TMEM214: variants seen among roughly 807,000 people sequenced by gnomAD.
The protein encoded by TMEM214 is transmembrane protein 214.
In TMEM214, 71 loss-of-function variants were observed where a neutral mutation model predicts 89.8. The observed-to-expected ratio is 0.79, with a 90% confidence interval of 0.65 to 0.96. TMEM214 has a LOEUF of 0.96. Ranked by LOEUF, TMEM214 falls within the 40% of genes least tolerant of loss-of-function variation. The pLI, the probability that TMEM214 is intolerant of heterozygous loss-of-function variation, is 0.00. For missense variants in TMEM214, 754 were observed against 843.4 expected (o/e 0.89, Z 1.31); for synonymous variants, 332 against 349.5 (o/e 0.95, Z 0.56).
chr2:27,033,950 G>A, intron 1 of TMEM214, 117 bp from the exon 2 acceptor site: 1 of 1,161,590 alleles, frequency 8.6e-7, no homozygotes, highest in Middle Eastern at 2.7e-4. Context: ...AAGGGGCTTT[G>A]AGACAGGCTC....
chr2:27,040,520 G>A (rs755677400), intron 16 of TMEM214, 24 bp downstream of exon 16: 98 of 1,609,442 alleles, frequency 6.1e-5, no homozygotes, highest in South Asian at 2.3e-4. Context: ...CCAGGGCTCC[G>A]GCAGGATCCC....
At chr2:27,036,388 C>A in intron 5 of TMEM214, 99 bp from the exon 6 acceptor site, 1 of 1,046,492 alleles carries the variant, frequency 9.6e-7, no homozygotes, top group Non-Finnish European at 1.5e-6. Flanking sequence ...TCGGCCTGTC[C>A]TCCCTCTTCC....
Position 27,041,001 on chromosome 2 carries a change from GA to G in TMEM214, c.*165del. The G allele has an allele frequency of 1.2e-6, 1 of 813,558 alleles. No homozygotes were observed. The highest frequency in any genetic ancestry group is 1.9e-6 in the Non-Finnish European group (1 of 526,236). The allele number at this position is 813,558 out of a possible 1,614,324, so 50.4% of individuals were successfully genotyped here. A position where few individuals can be genotyped will look rare whatever the true frequency, so the allele number is the denominator to read the frequency against. On this transcript the variant is annotated 3_prime_UTR_variant, in exon 17 of 17. Transcript: ENST00000238788. ...CCTCAGTTCTTCCATCTTTGGTGGG[GA>G]CAGGGCCCAGCAGCATCTCAGCCTC...
chr2:27,035,536 TTC>T (rs1667518046), intron 3 of TMEM214, 56 bp from the exon 4 acceptor site: 1 of 1,601,774 alleles, frequency 6.2e-7, no homozygotes, highest in African/African-American at 1.3e-5. Flanking sequence ...AGCACCACAG[TTC>T]TCAGAGCTGA....
intron 2 of TMEM214, among the ~76,000 whole-genome samples, chr2:27,034,769 A>G (rs1667473398): frequency 6.6e-6 from 1 of 151,548 alleles, no homozygotes; most frequent in Non-Finnish European, 1.5e-5. Flanking sequence ...TTTTTAGTAG[A>G]GATGGGGTTT....
In TMEM214 at chr2:27,038,524, C is replaced by G; in HGVS notation, c.1285C>G (p.Pro429Ala). The G allele has an allele frequency of 6.2e-7, 1 of 1,614,026 alleles. No individual in the cohort carries two copies. Residue 429 changes from proline to alanine, a missense_variant, in exon 11 of 17, where the codon CCC (proline) becomes GCC (alanine). Transcript: ENST00000238788. The surrounding 1 kb of genome is among the most constrained non-coding windows in gnomAD (Gnocchi z 4.4). ...EHLLSSWEQI[P>A]KKVQKSLQET... Reference sequence around the variant, plus strand: ...CTTGCTCAGCTCCTGGGAGCAGATTCCCAAGAAGGTGAGGAGCTGGGAGGA... The same window carrying G: ...CTTGCTCAGCTCCTGGGAGCAGATTGCCAAGAAGGTGAGGAGCTGGGAGGA...
chr2:27,039,700 C>G lies in TMEM214; in HGVS notation c.1526-41C>G, dbSNP rs745981420. 4 of 1,550,624 alleles carry G rather than the reference C, an allele frequency of 2.6e-6. No individual in the cohort carries two copies. The East Asian group carries it at 9.0e-5, about 35-fold the overall frequency. ...TAGTGTCTGTCTCCCCAGTCCCTGCCCCTCTCACCTCCCAGCTCACCAGAG... is the reference window on the plus strand; with the variant it reads ...TAGTGTCTGTCTCCCCAGTCCCTGCGCCTCTCACCTCCCAGCTCACCAGAG... On this transcript the variant is annotated intron_variant, in intron 13 of 16. Transcript: ENST00000238788.
Position 27,038,492 on chromosome 2 carries a change from T to C in TMEM214, c.1253T>C (p.Leu418Pro). The C allele has an allele frequency of 6.2e-7, 1 of 1,614,100 alleles. No homozygotes were observed. Among genetic ancestry groups the C allele is most frequent in the Non-Finnish European group, 8.5e-7 (1 of 1,179,998 alleles). The change falls in exon 11 of 17, where the codon CTG becomes CCG. Residue 418 changes from leucine (L) to proline (P), a missense_variant. Physicochemically the swap from Leu to Pro is moderately conservative, Grantham distance 98. Transcript: ENST00000238788. The surrounding 1 kb of genome is among the most constrained non-coding windows in gnomAD (Gnocchi z 4.4). ...PKHLSQSSLL[L>P]EHLLSSWEQI... ...TTGTGCTTTCCCCACAGCCTTCTGCTGGAGCACTTGCTCAGCTCCTGGGAG... is the reference window on the plus strand; with the variant it reads ...TTGTGCTTTCCCCACAGCCTTCTGCCGGAGCACTTGCTCAGCTCCTGGGAG...
chr2:27,041,159 AC>A lies in TMEM214; in HGVS notation c.*326del, dbSNP rs1269998331. On this transcript the variant is annotated 3_prime_UTR_variant, in exon 17 of 17. Transcript: ENST00000238788. ...CCACTTCCTTCCATCTCATTTCTAA[AC>A]CCCAAACAGCTCATCTCTAAAAAGA... 3.6e-6 allele frequency: 1 copy of A among 274,382 alleles called. No individual in the cohort carries two copies. The highest frequency in any genetic ancestry group is 2.2e-5 in the African/African-American group (1 of 45,946). The allele number at this position is 274,382 out of a possible 1,614,324, so 17.0% of individuals were successfully genotyped here. A position where few individuals can be genotyped will look rare whatever the true frequency, so the allele number is the denominator to read the frequency against.
chr2:27,035,269 G>A lies in TMEM214; in HGVS notation c.486G>A (p.Leu162=). Residue 162 remains leucine, a synonymous_variant, in exon 3 of 17, where the codon CTG becomes CTA. Transcript: ENST00000238788. The stretch of plus-strand genomic sequence containing the variant: ...AAGCTCCTCTAAGTGAACCCACGCT[G>A]AGCCAGCATACTCATGGTAAGTCCT... ...KLQAPLSEPT[L]SQHTHDYPYS... is the part of the protein sequence containing the mutation. The A allele has an allele frequency of 3.1e-6, 5 of 1,614,226 alleles. No homozygotes were observed. The highest frequency in any genetic ancestry group is 4.2e-6 in the Non-Finnish European group (5 of 1,180,042).
At chr2:27,034,392 G>A (rs1424370303) in intron 2 of TMEM214, 126 bp downstream of exon 2, 3 of 1,132,620 alleles carry the variant, frequency 2.6e-6, no homozygotes, top group Non-Finnish European at 3.7e-6. Flanking sequence ...GGGTTGAGAG[G>A]AGTTCAGGAA....
chr2:27,037,883 GCACATT>G, intron 9 of TMEM214, 181 bp downstream of exon 9: 1 of 1,553,970 alleles, frequency 6.4e-7, no homozygotes, highest in South Asian at 1.2e-5. Context: ...CCAAGAGACA[GCACATT>G]CAGGTCTGGG....
rs367895381 is a variant in TMEM214 at position 27,039,175 on chromosome 2, A to G, written c.1525+11A>G. On this transcript the variant is annotated intron_variant, in intron 13 of 16. Coordinates refer to ENST00000238788, the MANE Select transcript of TMEM214 (RefSeq NM_017727.5). ...ACAGCTCCTTCCAGGGTAAGCAGCA[A>G]TGGGCAAGCGAGGAGGATGGTGTGG... is the stretch of plus-strand genomic sequence containing the variant. 8 of 1,611,360 alleles carry G rather than the reference A, an allele frequency of 5.0e-6. No individual in the cohort carries two copies. The highest frequency in any genetic ancestry group is 4.2e-6 in the Non-Finnish European group (5 of 1,178,416).
In TMEM214 at chr2:27,034,099, C is replaced by T. The variant is rs185429302; in HGVS notation, c.184C>T (p.Arg62Trp). Residue 62 changes from arginine to tryptophan, a missense_variant, in exon 2 of 17, where the codon CGG becomes TGG. Coordinates refer to ENST00000238788, the MANE Select transcript of TMEM214 (RefSeq NM_017727.5). ...AIQTTSTLYE[R>W]GFENIMKRQN... ...CCAGACCACAAGCACCCTTTATGAG[C>T]GGGGCTTTGAGAATATCATGAAGCG... 85 of 1,614,000 alleles carry T rather than the reference C, an allele frequency of 5.3e-5. No individual in the cohort carries two copies. Among genetic ancestry groups the T allele is most frequent in the South Asian group, 1.1e-5 (1 of 91,068 alleles).
chr2:27,035,348 A>G (rs1667508069), intron 3 of TMEM214, 63 bp downstream of exon 3: 1 of 1,603,958 alleles, frequency 6.2e-7, no homozygotes, highest in Non-Finnish European at 8.5e-7. Context: ...GGGTGGTATA[A>G]CAGATCCCAG....
At position 27,034,246 on chromosome 2, in the gene TMEM214, C is replaced by G. The variant is rs764635395; in HGVS notation, c.331C>G (p.Leu111Val). 6.2e-7 allele frequency: 1 copy of G among 1,613,832 alleles called. No individual in the cohort carries two copies. The highest frequency in any genetic ancestry group is 8.5e-7 in the Non-Finnish European group (1 of 1,180,040). ...CCAGAAGCAGGGCCGCTTCCGCAGC[C>G]TGGAGGAAGCACTGAAAGCTGTGAG... ...QNQKQGRFRS[L>V]EEALKALDVA... is the part of the protein sequence containing the mutation. Residue 111 changes from leucine (L) to valine (V), a missense_variant, in exon 2 of 17, where the codon CTG (leucine) becomes GTG (valine). Physicochemically the swap from Leu to Val is conservative, Grantham distance 32. Coordinates refer to ENST00000238788, the MANE Select transcript of TMEM214 (RefSeq NM_017727.5).
Position 27,038,143 on chromosome 2 carries a change from C to G in TMEM214, c.1153-3C>G. ...CAGCCTCTCCCTCTGTCGTGCTGTG[C>G]AGCTCCTGAGCAGCCTGACTGAGTG... On this transcript the variant is annotated splice_polypyrimidine_tract_variant and splice_region_variant and intron_variant, in intron 9 of 16. Transcript: ENST00000238788. The surrounding 1 kb of genome is among the most constrained non-coding windows in gnomAD (Gnocchi z 4.4). 1 of 1,614,130 alleles carries G rather than the reference C, an allele frequency of 6.2e-7. No homozygotes were observed. The highest frequency in any genetic ancestry group is 8.5e-7 in the Non-Finnish European group (1 of 1,180,014).
In TMEM214 at chr2:27,040,373, A is replaced by T; in HGVS notation, c.1820A>T (p.Asn607Ile). ...RLQIQLPDSV[N>I]QLLRYLRELP... ...CAGATCCAGCTCCCCGATTCCGTGA[A>T]TCAGCTACTCCGCTATCTGAGAGAG... Residue 607 changes from asparagine to isoleucine, a missense_variant, in exon 16 of 17, where the codon AAT (asparagine) becomes ATT (isoleucine). Transcript: ENST00000238788. 1 of 1,614,220 alleles carries T rather than the reference A, an allele frequency of 6.2e-7. No individual in the cohort carries two copies.
At chr2:27,035,019 G>A in intron 2 of TMEM214, 116 bp from the exon 3 acceptor site, 1 of 1,136,082 alleles carries the variant, frequency 8.8e-7, no homozygotes, top group Non-Finnish European at 1.3e-6. Context: ...GCTTAAAAAT[G>A]GAATCCCTTC....
Sources: gnomAD v4.1 joint callset for allele counts (sites outside exome capture counted in the v4.1 genomes callset) on GRCh38, gnomAD v4.1.1 for gene constraint, Gnocchi (gnomAD v3.1) non-coding constraint, MANE v1.5 for transcripts, NCBI Gene and HGNC (gene_info 2026-07-23, HGNC 2026-07-21) for gene names.